The following CDH13 variants were observed in gnomAD, a reference collection of about 807,000 sequenced individuals.
CDH13 encodes cadherin-13.
A neutral mutation model predicts 63.8 loss-of-function variants in CDH13; 24 were observed. The observed-to-expected ratio is 0.38, with a 90% CI of 0.27 to 0.53. The LOEUF (loss-of-function observed/expected upper bound fraction) is 0.53. Ranked by LOEUF, CDH13 falls within the 20% of genes least tolerant of loss-of-function variation. The pLI is 0.85. For synonymous variants in CDH13, 503 were observed against 355.3 expected (o/e 1.42, Z -4.67); for missense variants, 1,049 against 903.1 (o/e 1.16, Z -2.07).
At chr16:83,334,656 A>G (rs527455111) in intron 5 of CDH13, among the ~76,000 whole-genome samples, 1 of 152,218 alleles carries the variant, frequency 6.6e-6, no homozygotes, top group South Asian at 2.1e-4. Flanking sequence ...GATTACAGGC[A>G]TGAGCCACCA....
At chr16:83,312,826 G>C (rs1427138273) in intron 5 of CDH13, among the ~76,000 whole-genome samples, 1 of 152,194 alleles carries the variant, frequency 6.6e-6, no homozygotes, top group African/African-American at 2.4e-5. Flanking sequence ...AAAAATAAAG[G>C]CAGCAGCTTG....
chr16:83,251,233 T>C (rs1054948762), intron 5 of CDH13, among the ~76,000 whole-genome samples: 6 of 152,126 alleles, frequency 3.9e-5, no homozygotes, highest in East Asian at 1.9e-4. Flanking sequence ...TTCTTACAAC[T>C]GTGTGTGAAT....
intron 5 of CDH13, among the ~76,000 whole-genome samples, chr16:83,284,478 G>C (rs2089259967): frequency 6.6e-6 from 1 of 152,064 alleles, no homozygotes; most frequent in Admixed American, 6.6e-5. Flanking sequence ...AAAAATGATG[G>C]ACTCCAGGAA....
chr16:83,227,366 T>TGACATTGATCAGGGGGCCCTTGTGAAGCC (rs2039872633), intron 5 of CDH13, among the ~76,000 whole-genome samples: 3 of 152,144 alleles, frequency 2.0e-5, no homozygotes, highest in Admixed American at 1.3e-4. Flanking sequence ...GTATGGAAGC[T>TGACATTGATCAGGGGGCCCTTGTGAAGCC]GACATTGATC....
rs867921838 is a variant in CDH13, at chr16:83,047,209, C to G, written c.366+14991C>G. On this transcript the variant is annotated intron_variant, in intron 3 of 13. Coordinates refer to ENST00000567109, the MANE Select transcript of CDH13 (RefSeq NM_001257.5). This position sits in a 1 kb window ranked among gnomAD's most constrained non-coding sequence, Gnocchi z 4.9. ...ACTTTATCTGAAGACCACCTCCTGCCCCTCACTCTTACTCCAGAGGCCTGT... is the reference window on the plus strand; with the variant it reads ...ACTTTATCTGAAGACCACCTCCTGCGCCTCACTCTTACTCCAGAGGCCTGT... Among the ~76,000 whole-genome samples, 4 of 152,082 alleles carry G rather than the reference C, an allele frequency of 2.6e-5. No homozygotes were observed. The highest frequency in any genetic ancestry group is 7.2e-5 in the African/African-American group (3 of 41,400).
At chr16:82,819,467 C>G (rs180971610) in intron 1 of CDH13, among the ~76,000 whole-genome samples, 73 of 152,292 alleles carry the variant, frequency 4.8e-4, no homozygotes, top group Admixed American at 7.8e-4. Context: ...AGCTGCCTGT[C>G]CCACTGTTCC....
intron 6 of CDH13, among the ~76,000 whole-genome samples, chr16:83,368,147 C>A (rs1295150414): frequency 1.3e-5 from 2 of 152,130 alleles, no homozygotes; most frequent in Non-Finnish European, 2.9e-5. Flanking sequence ...TGGGAGCTCT[C>A]TTTTAACATA....
intron 2 of CDH13, among the ~76,000 whole-genome samples, chr16:82,908,491 G>GCAT (rs2041720837): frequency 6.6e-6 from 1 of 152,190 alleles, no homozygotes; most frequent in Non-Finnish European, 1.5e-5. Flanking sequence ...GCAGGCATGG[G>GCAT]CATCAGATGA....
At chr16:83,156,439 C>T (rs1290462589) in intron 4 of CDH13, among the ~76,000 whole-genome samples, 1 of 152,170 alleles carries the variant, frequency 6.6e-6, no homozygotes, top group East Asian at 1.9e-4. Context: ...GATACACACC[C>T]CATCTACAAA....
chr16:83,540,783 C>T (rs777288115), intron 7 of CDH13, among the ~76,000 whole-genome samples: 2 of 152,186 alleles, frequency 1.3e-5, no homozygotes, highest in Non-Finnish European at 2.9e-5. Context: ...GCATGCACCA[C>T]CACACCCAGC....
At chr16:83,688,170 G>A (rs939912287) in intron 10 of CDH13, among the ~76,000 whole-genome samples, 2 of 152,132 alleles carry the variant, frequency 1.3e-5, no homozygotes, top group Non-Finnish European at 2.9e-5. Flanking sequence ...TAATATTGGA[G>A]CTCATTCAAA....
intron 5 of CDH13, among the ~76,000 whole-genome samples, chr16:83,219,748 C>T (rs1459292252): frequency 6.6e-6 from 1 of 152,144 alleles, no homozygotes; most frequent in African/African-American, 2.4e-5. Context: ...GCAATTCATT[C>T]ATTTTACATA....
rs144630159 is a variant in CDH13 at position 82,900,479 on chromosome 16, A to C, written c.157+42006A>C. Among the ~76,000 whole-genome samples the C allele has an allele frequency of 3.2e-3, 487 of 152,330 alleles. 3 individuals are homozygous for C. Among genetic ancestry groups the C allele is most frequent in the African/African-American group, 0.011 (470 of 41,570 alleles). ...GGAAATAAATTCTATCAAAAAGCTC[A>C]GCTGTCTTGAAAAAGCAAGAGATAA... On this transcript the variant is annotated intron_variant, in intron 2 of 13. Transcript: ENST00000567109.
chr16:83,107,941 C>T (rs1349266386), intron 3 of CDH13, among the ~76,000 whole-genome samples: 1 of 151,950 alleles, frequency 6.6e-6, no homozygotes, highest in East Asian at 1.9e-4. Context: ...GCCTCAGCCT[C>T]CCGATTAGCA....
At chr16:83,344,337 A>T (rs1427485839) in intron 5 of CDH13, among the ~76,000 whole-genome samples, 1 of 152,232 alleles carries the variant, frequency 6.6e-6, no homozygotes, top group African/African-American at 2.4e-5. Context: ...CCTGGTGGGC[A>T]GGAATCCCGA....
chr16:83,475,618 G>A (rs1440392288), intron 6 of CDH13, among the ~76,000 whole-genome samples: 1 of 152,144 alleles, frequency 6.6e-6, no homozygotes, highest in East Asian at 1.9e-4. Context: ...GTCTCTCTCT[G>A]TCACCCAGGC....
At chr16:83,273,995 T>C (rs2151849119) in intron 5 of CDH13, among the ~76,000 whole-genome samples, 1 of 152,244 alleles carries the variant, frequency 6.6e-6, no homozygotes, top group African/African-American at 2.4e-5. Flanking sequence ...CCACATTGCT[T>C]ACACTTTCCA....
intron 7 of CDH13, among the ~76,000 whole-genome samples, chr16:83,571,169 T>C (rs1038141710): frequency 2.6e-5 from 4 of 151,946 alleles, no homozygotes; most frequent in Non-Finnish European, 4.4e-5. Flanking sequence ...CAGGGAGAAT[T>C]TCCCAGTGGA....
chr16:82,702,410 G>A (rs375094639), intron 1 of CDH13, among the ~76,000 whole-genome samples: 14 of 152,106 alleles, frequency 9.2e-5, no homozygotes, highest in African/African-American at 2.7e-4. Flanking sequence ...GTGACAGCAG[G>A]GCCCCTGTCT....
Sources: allele counts gnomAD v4.1 joint callset (sites outside exome capture counted in the v4.1 genomes callset), GRCh38; gene constraint gnomAD v4.1.1; non-coding constraint Gnocchi (gnomAD v3.1); transcripts MANE v1.5; gene names NCBI Gene and HGNC (gene_info 2026-07-23, HGNC 2026-07-21).